Variants in UBE2D3 observed in about 807,000 individuals in gnomAD.
UBE2D3 encodes the protein ubiquitin-conjugating enzyme E2 D3.
Under a neutral mutation model 22.8 loss-of-function variants are expected in UBE2D3, and 2 were observed. That is an observed-to-expected ratio of 0.09 (90% CI 0.04 to 0.28). The LOEUF (loss-of-function observed/expected upper bound fraction) is 0.28. Among genes scored for constraint, UBE2D3 ranks in the 10% least tolerant of loss-of-function variants. UBE2D3 has a pLI of 1.00. For synonymous variants in UBE2D3, 56 were observed against 60.4 expected, an observed-to-expected ratio of 0.93 and a Z score of 0.34; for missense variants, 27 against 182.5, an observed-to-expected ratio of 0.15 and a Z score of 4.91.
intron 4 of UBE2D3, among the ~76,000 whole-genome samples, chr4:102,803,970 T>C (rs879796721): frequency 2.0e-5 from 3 of 152,096 alleles, no homozygotes; most frequent in African/African-American, 4.8e-5. Flanking sequence ...AGTTTCACCA[T>C]GTTGGCCAGG....
intron 5 of UBE2D3, chr4:102,802,291 G>GA: frequency 3.7e-6 from 1 of 268,220 alleles, no homozygotes; most frequent in Non-Finnish European, 6.9e-6. Flanking sequence ...CCAAAAATCA[G>GA]AATCTGTGTA....
intron 1 of UBE2D3, among the ~76,000 whole-genome samples, chr4:102,868,115 C>T (rs1457585846): frequency 7.4e-6 from 1 of 134,488 alleles, no homozygotes; most frequent in Non-Finnish European, 1.5e-5. Flanking sequence ...CTCTGTCTCC[C>T]AGGCTAGAGT....
intron 1 of UBE2D3, among the ~76,000 whole-genome samples, chr4:102,867,999 A>G (rs1414696625): frequency 6.6e-6 from 1 of 152,016 alleles, no homozygotes; most frequent in African/African-American, 2.4e-5. Flanking sequence ...TAGGGAAGCC[A>G]TAAGGACCCC....
chr4:102,801,614 G>A (rs1004197841), intron 5 of UBE2D3, 55 bp from the exon 6 acceptor site: 6 of 1,372,188 alleles, frequency 4.4e-6, no homozygotes, highest in African/African-American at 1.5e-5. Context: ...ATCTTTTAAA[G>A]CAAAACTTAA....
intron 4 of UBE2D3, among the ~76,000 whole-genome samples, chr4:102,808,316 C>G (rs771772708): frequency 6.6e-6 from 1 of 152,128 alleles, no homozygotes; most frequent in Non-Finnish European, 1.5e-5. Context: ...CTGGGTAACT[C>G]AACATTTAAC....
Position 102,810,189 on chromosome 4 carries a change from T to C in UBE2D3, c.25-334A>G, listed in dbSNP as rs184961824. ...AGAGAGAGCTCAACATTCACGTTAT[T>C]TGTTGAACTTCCAAGACCACTTTCA... On this transcript the variant is annotated intron_variant, in intron 2 of 7. Coordinates refer to ENST00000453744, the MANE Select transcript of UBE2D3 (RefSeq NM_181891.3). 1.2e-3 allele frequency: 242 copies of C among 201,208 alleles called. 1 individual carries two copies. Among genetic ancestry groups the C allele is most frequent in the Non-Finnish European group, 2.0e-3 (202 of 99,382 alleles). The allele number at this position is 201,208 out of a possible 1,614,324, so 12.5% of individuals were successfully genotyped here.
chr4:102,836,949 C>T (rs538993605), intron 1 of UBE2D3: 3 of 152,132 alleles, frequency 2.0e-5, no homozygotes, highest in Non-Finnish European at 4.4e-5. Flanking sequence ...GTAACATATA[C>T]CTGGAGGAAT....
chr4:102,810,975 G>A (rs1022889244), intron 2 of UBE2D3: 21 of 152,226 alleles, frequency 1.4e-4, no homozygotes, highest in African/African-American at 5.1e-4. Context: ...ATTAAGTCTA[G>A]GGACTACTAT....
At chr4:102,827,390 T>A (rs1322045580) in intron 1 of UBE2D3, 37 bp downstream of exon 1, 1 of 985,892 alleles carries the variant, frequency 1.0e-6, no homozygotes, top group Non-Finnish European at 1.2e-6. Flanking sequence ...TGGGCCGGCC[T>A]CCCTTCCCTG....
intron 2 of UBE2D3, chr4:102,812,242 C>A (rs1003930885): frequency 6.5e-6 from 1 of 152,856 alleles, no homozygotes; most frequent in African/African-American, 2.4e-5. Flanking sequence ...GTTAAATGAT[C>A]ATGCTGGTGG....
chr4:102,823,934 T>C (rs1011373274), intron 2 of UBE2D3, among the ~76,000 whole-genome samples: 1 of 152,144 alleles, frequency 6.6e-6, no homozygotes, highest in Non-Finnish European at 1.5e-5. Context: ...AAATTCGAAA[T>C]AGGTACGTAA....
intron 7 of UBE2D3, among the ~76,000 whole-genome samples, chr4:102,798,297 T>TATATATATATATATATATGC (rs1481588683): frequency 1.6e-4 from 23 of 146,706 alleles, no homozygotes; most frequent in Admixed American, 6.8e-4. Context: ...TATATATATA[T>TATATATATATATATATATGC]GCACAGGAGA....
chr4:102,840,757 T>C (rs1731705458), intron 1 of UBE2D3, among the ~76,000 whole-genome samples: 1 of 152,176 alleles, frequency 6.6e-6, no homozygotes, highest in Non-Finnish European at 1.5e-5. Context: ...ATGAGAAATA[T>C]TCGAGGTGAT....
At chr4:102,851,496 G>C (rs1732346357) in intron 1 of UBE2D3, among the ~76,000 whole-genome samples, 1 of 152,188 alleles carries the variant, frequency 6.6e-6, no homozygotes, top group African/African-American at 2.4e-5. Context: ...CACTGTTTTG[G>C]AATGCATGTG....
At chr4:102,859,387 T>A (rs1403041247) in intron 1 of UBE2D3, among the ~76,000 whole-genome samples, 1 of 151,824 alleles carries the variant, frequency 6.6e-6, no homozygotes, top group Non-Finnish European at 1.5e-5. Flanking sequence ...AGTGAAAAAA[T>A]TTTCATATCA....
intron 1 of UBE2D3, among the ~76,000 whole-genome samples, chr4:102,863,042 TTTTC>T (rs996906005): frequency 6.6e-6 from 1 of 151,560 alleles, no homozygotes; most frequent in African/African-American, 2.4e-5. Context: ...GCTTCTTTGT[TTTTC>T]TTTGTTTTTT....
chr4:102,805,100 T>C (rs189854186), intron 4 of UBE2D3, among the ~76,000 whole-genome samples: 1 of 152,336 alleles, frequency 6.6e-6, no homozygotes, highest in African/African-American at 2.4e-5. Context: ...AATCTGCTGA[T>C]GGGATTTAGG....
At chr4:102,804,661 C>T (rs1168306139) in intron 4 of UBE2D3, among the ~76,000 whole-genome samples, 1 of 152,040 alleles carries the variant, frequency 6.6e-6, no homozygotes, top group Non-Finnish European at 1.5e-5. Context: ...TAAAGGTAAT[C>T]CCAAACACTA....
intron 1 of UBE2D3, among the ~76,000 whole-genome samples, chr4:102,852,160 T>C (rs1732392420): frequency 1.3e-5 from 2 of 152,216 alleles, no homozygotes; most frequent in Admixed American, 1.3e-4. Context: ...AAATGTATCA[T>C]GGCAGGAGCT....
Sources: gnomAD v4.1 joint callset for allele counts (sites outside exome capture counted in the v4.1 genomes callset) on GRCh38, gnomAD v4.1.1 for gene constraint, MANE v1.5 for transcripts, NCBI Gene and HGNC (gene_info 2026-07-23, HGNC 2026-07-21) for gene names.